NONO: variants seen among roughly 807,000 people sequenced by gnomAD.
The protein encoded by NONO is non-POU domain-containing octamer-binding protein.
A neutral mutation model predicts 40.2 loss-of-function variants in NONO; 6 were observed. That is an observed-to-expected ratio of 0.15 (90% CI 0.08 to 0.29). The LOEUF (loss-of-function observed/expected upper bound fraction) is 0.29, where lower values mean the gene tolerates loss of function less well. Ranked by LOEUF, NONO falls within the 10% of genes least tolerant of loss-of-function variation. The pLI is 1.00. For synonymous variants in NONO, 89 were observed against 123.3 expected (o/e 0.72, Z 1.85); for missense variants, 133 against 397.8 (o/e 0.33, Z 5.66).
intron 7 of NONO, 74 bp from the exon 8 acceptor site, chrX:71,297,303 G>A: frequency 2.0e-6 from 2 of 983,599 alleles, no homozygotes; most frequent in South Asian, 4.3e-5. Flanking sequence ...TTGCTTTCTG[G>A]ATCTTTATTT....
rs749625325 is a variant in NONO, at chrX:71,293,971, A to G, written c.349-256A>G. ...TGGATGATCTGTTGTCATTGGGAGA[A>G]TAATACCTATGAAATTGATGATCAC... On this transcript the variant is annotated intron_variant, in intron 4 of 11. Transcript: ENST00000276079. 4.6e-5 allele frequency: 17 copies of G among 372,838 alleles called. No homozygotes were observed. In the East Asian group the frequency reaches 7.2e-4, roughly 16 times the overall value. The allele number at this position is 372,838 out of a possible 1,213,427, so 30.7% of individuals were successfully genotyped here.
At chrX:71,288,137 T>TC (rs1169844002) in intron 2 of NONO, among the ~76,000 whole-genome samples, 11 of 95,781 alleles carry the variant, frequency 1.1e-4, no homozygotes, top group Non-Finnish European at 1.9e-4. Context: ...TTTTTTTTTT[T>TC]TTTCTTGAGA....
At chrX:71,299,647 C>T (rs774707727) in intron 11 of NONO, among the ~76,000 whole-genome samples, 2 of 111,265 alleles carry the variant, frequency 1.8e-5, no homozygotes, top group South Asian at 7.5e-4. Context: ...CAGAGTTTTG[C>T]TCTTGTCGCC....
chrX:71,294,837 T>G (rs1295483746), intron 5 of NONO, among the ~76,000 whole-genome samples: 1 of 111,383 alleles, frequency 9.0e-6, no homozygotes, highest in African/African-American at 3.3e-5. Flanking sequence ...GAGAATCGCT[T>G]GAACCCAGGA....
At chrX:71,293,921 T>A in intron 4 of NONO, 1 of 277,083 alleles carries the variant, frequency 3.6e-6, no homozygotes, top group African/African-American at 2.7e-5. Flanking sequence ...TGAGCCACCG[T>A]ACCCGGCCAA....
At chrX:71,290,361 TTTTC>T (rs750037146) in intron 2 of NONO, among the ~76,000 whole-genome samples, 14 of 112,442 alleles carry the variant, frequency 1.2e-4, no homozygotes, top group Admixed American at 7.6e-4. Context: ...TTTATTTATT[TTTTC>T]TTTATTTTTT....
intron 2 of NONO, among the ~76,000 whole-genome samples, chrX:71,287,403 A>C (rs895388839): frequency 5.4e-5 from 6 of 110,623 alleles, no homozygotes; most frequent in Non-Finnish European, 1.1e-4. Flanking sequence ...TTTGAGACCA[A>C]GTCTCACTCT....
chrX:71,295,344 G>A (rs1311209052), intron 5 of NONO, among the ~76,000 whole-genome samples: 2 of 108,014 alleles, frequency 1.9e-5, no homozygotes, highest in African/African-American at 3.4e-5. Context: ...CAAATTAGCC[G>A]GGTGTGGTGG....
chrX:71,300,851 A>G lies in NONO; in HGVS notation c.*775A>G, dbSNP rs2031572591. ...CTCTTAGAGATTTTCATTTTAGTGT[A>G]TCTTTAAAAAAAAATCTTGTGTTAA... On this transcript the variant is annotated 3_prime_UTR_variant, in exon 12 of 12. Transcript: ENST00000276079. The G allele has an allele frequency of 6.2e-6, 1 of 161,481 alleles. No individual in the cohort carries two copies. The highest frequency in any genetic ancestry group is 1.2e-5 in the Non-Finnish European group (1 of 83,465). The allele number at this position is 161,481 out of a possible 1,213,427, so 13.3% of individuals were successfully genotyped here.
At chrX:71,286,756 C>T (rs1283768104) in intron 2 of NONO, among the ~76,000 whole-genome samples, 1 of 111,802 alleles carries the variant, frequency 8.9e-6, no homozygotes, top group African/African-American at 3.2e-5. Flanking sequence ...TTATTGTTTT[C>T]TTACCATAAA....
chrX:71,298,066 A>C (rs1159215459), intron 9 of NONO, 128 bp downstream of exon 9: 1 of 480,980 alleles, frequency 2.1e-6, no homozygotes, highest in Admixed American at 3.8e-5. Flanking sequence ...AAAAGAATTC[A>C]TAAGAAGGAG....
At chrX:71,289,698 C>T (rs1235072792) in intron 2 of NONO, among the ~76,000 whole-genome samples, 2 of 111,665 alleles carry the variant, frequency 1.8e-5, no homozygotes, top group Non-Finnish European at 3.8e-5. Context: ...AACTCGTGGG[C>T]TCAAGTGAAC....
intron 2 of NONO, among the ~76,000 whole-genome samples, chrX:71,288,497 TTC>T (rs2031252514): frequency 4.5e-5 from 5 of 112,143 alleles, no homozygotes; most frequent in Admixed American, 2.8e-4. Flanking sequence ...GTTCAAGTGA[TTC>T]TCCTGGCTCA....
At chrX:71,291,345 C>T (rs1000387161) in intron 3 of NONO, among the ~76,000 whole-genome samples, 18 of 111,119 alleles carry the variant, frequency 1.6e-4, no homozygotes, top group African/African-American at 5.9e-4. Context: ...AGAATGGGAA[C>T]TGTTAAGGTT....
chrX:71,285,769 T>C (rs1209346762), intron 2 of NONO, among the ~76,000 whole-genome samples: 3 of 112,109 alleles, frequency 2.7e-5, no homozygotes, highest in Non-Finnish European at 3.8e-5. Context: ...GTGGGAGGAA[T>C]ATTTAATCAT....
intron 2 of NONO, among the ~76,000 whole-genome samples, chrX:71,286,769 C>T (rs2031198383): frequency 9.0e-6 from 1 of 111,586 alleles, no homozygotes; most frequent in Non-Finnish European, 1.9e-5. Context: ...ACCATAAAGG[C>T]CATTACAATG....
At chrX:71,295,797 A>C (rs933835452) in intron 5 of NONO, among the ~76,000 whole-genome samples, 2 of 112,282 alleles carry the variant, frequency 1.8e-5, no homozygotes. Context: ...TTTCCAAAAA[A>C]AAAGACTTTT....
At chrX:71,298,377 C>A in intron 9 of NONO, 92 bp from the exon 10 acceptor site, 1 of 768,843 alleles carries the variant, frequency 1.3e-6, no homozygotes, top group Non-Finnish European at 2.0e-6. Context: ...CGTGTTATCA[C>A]TCTATCTACT....
At chrX:71,295,481 C>T (rs915743592) in intron 5 of NONO, among the ~76,000 whole-genome samples, 19 of 109,474 alleles carry the variant, frequency 1.7e-4, no homozygotes, top group African/African-American at 5.7e-4. Flanking sequence ...AACAAGACTC[C>T]GTCTCCAAAA....
Sources: allele counts gnomAD v4.1 joint callset (sites outside exome capture counted in the v4.1 genomes callset), GRCh38; gene constraint gnomAD v4.1.1; transcripts MANE v1.5; gene names NCBI Gene and HGNC (gene_info 2026-07-23, HGNC 2026-07-21).